Variants in LIN28B observed in about 807,000 individuals in gnomAD.
The protein encoded by LIN28B is lin-28 RNA binding posttranscriptional regulator B.
In LIN28B, 5 loss-of-function variants were observed where a neutral mutation model predicts 21.9. The observed-to-expected ratio is 0.23, with a 90% CI of 0.12 to 0.48. The LOEUF (loss-of-function observed/expected upper bound fraction) is 0.48, where lower values mean the gene tolerates loss of function less well. Ranked by LOEUF, LIN28B falls within the 20% of genes least tolerant of loss-of-function variation. The probability of loss-of-function intolerance (pLI) is 0.98; values close to 1 mark genes in which losing one functional copy is unlikely to be tolerated. For missense variants in LIN28B, 245 were observed against 310.5 expected (o/e 0.79, Z 1.58); for synonymous variants, 109 against 111.3 (o/e 0.98, Z 0.13).
rs1239646776 is a variant in LIN28B at position 105,083,114 on chromosome 6, GAA to G, written c.*4332_*4333del. ...TTTACAAGTGAAAATAAAAACACTTGAACTGTATGTTTTTAAAAGACAAAAAA... is the reference window on the plus strand; with the variant it reads ...TTTACAAGTGAAAATAAAAACACTTGCTGTATGTTTTTAAAAGACAAAAAA... On this transcript the variant is annotated 3_prime_UTR_variant, in exon 4 of 4. Coordinates refer to ENST00000345080, the MANE Select transcript of LIN28B (RefSeq NM_001004317.4). 1 of 148,426 alleles carries G rather than the reference GAA, an allele frequency of 6.7e-6. No individual in the cohort carries two copies. Among genetic ancestry groups the G allele is most frequent in the African/African-American group, 2.4e-5 (1 of 41,320 alleles). 9.2% of individuals were successfully genotyped at this position (148,426 alleles called of 1,614,324 possible).
intron 3 of LIN28B, among the ~76,000 whole-genome samples, chr6:105,046,792 T>G (rs1271765359): frequency 1.3e-5 from 2 of 152,212 alleles, no homozygotes; most frequent in Non-Finnish European, 2.9e-5. Flanking sequence ...TTTTCATGTG[T>G]CTTTTGGCTG....
chr6:105,045,888 G>GCA lies in LIN28B; in HGVS notation c.383+19407_383+19408insAC, dbSNP rs1264176186. Among the ~76,000 whole-genome samples the GCA allele has an allele frequency of 4.4e-3, 673 of 152,182 alleles. 25 individuals carry two copies. The highest frequency in any genetic ancestry group is 0.04 in the Admixed American group (605 of 15,284). On this transcript the variant is annotated intron_variant, in intron 3 of 3. Transcript: ENST00000345080. ...TCTCCAAGTGATCAGTATGTAATGT[G>GCA]CTATCTAATAACACCTTTTTGAAAA...
chr6:105,067,572 C>CT (rs1308539278), intron 3 of LIN28B, among the ~76,000 whole-genome samples: 1 of 151,938 alleles, frequency 6.6e-6, no homozygotes, highest in Non-Finnish European at 1.5e-5. Context: ...CTCTCTCTCT[C>CT]TTTTTTTTAA....
chr6:105,012,346 G>A (rs958778043), intron 2 of LIN28B, among the ~76,000 whole-genome samples: 3 of 151,666 alleles, frequency 2.0e-5, no homozygotes, highest in Non-Finnish European at 4.4e-5. Flanking sequence ...GCGGGTGCCT[G>A]TAATCCCAGC....
chr6:105,060,861 A>T (rs1463553958), intron 3 of LIN28B, among the ~76,000 whole-genome samples: 2 of 152,186 alleles, frequency 1.3e-5, no homozygotes, highest in African/African-American at 4.8e-5. Context: ...GAAAACATAA[A>T]AGTGGGAATA....
chr6:104,995,273 A>G (rs1770575287), intron 2 of LIN28B, among the ~76,000 whole-genome samples: 1 of 152,192 alleles, frequency 6.6e-6, no homozygotes, highest in South Asian at 2.1e-4. Context: ...AGATTTAAGG[A>G]GAGTATACTT....
At chr6:105,012,074 C>T (rs1221519936) in intron 2 of LIN28B, among the ~76,000 whole-genome samples, 3 of 152,108 alleles carry the variant, frequency 2.0e-5, no homozygotes, top group Admixed American at 1.3e-4. Context: ...AGGAGAATTG[C>T]TTCAACCCAG....
upstream of LIN28B, among the ~76,000 whole-genome samples, chr6:104,952,988 A>C (rs1267371426): frequency 6.6e-6 from 1 of 152,196 alleles, no homozygotes; most frequent in Admixed American, 6.5e-5. Flanking sequence ...CTGCTGCAAG[A>C]CCCAAGCACC....
At chr6:104,977,872 A>G (rs1770133957) in intron 2 of LIN28B, among the ~76,000 whole-genome samples, 1 of 152,220 alleles carries the variant, frequency 6.6e-6, no homozygotes, top group South Asian at 2.1e-4. Flanking sequence ...GACCAGGTGT[A>G]TGCCTTTCTT....
rs538914967 is a variant in LIN28B, at chr6:105,026,558, G to A, written c.383+76G>A. The A allele has an allele frequency of 4.9e-5, 46 of 943,296 alleles. 1 individual carries two copies. In the South Asian group the frequency reaches 7.4e-4, roughly 15 times the overall value. 58.4% of individuals were successfully genotyped at this position (943,296 alleles called of 1,614,324 possible). A position where few individuals can be genotyped will look rare whatever the true frequency, so the allele number is the denominator to read the frequency against. ...TTTCTGAAAATGTTTTCATCTTACT[G>A]CATTTCATATTGTCTAGCCAAAGGA... On this transcript the variant is annotated intron_variant, in intron 3 of 3. Coordinates refer to ENST00000345080, the MANE Select transcript of LIN28B (RefSeq NM_001004317.4).
chr6:104,994,329 C>T (rs1010204640), intron 2 of LIN28B, among the ~76,000 whole-genome samples: 14 of 152,154 alleles, frequency 9.2e-5, no homozygotes, highest in African/African-American at 1.9e-4. Context: ...TAACTTTTAA[C>T]GATACTTTTA....
At chr6:104,948,107 T>C (rs1411243629) in intron 2 of LIN28B, among the ~76,000 whole-genome samples, 7 of 152,186 alleles carry the variant, frequency 4.6e-5, no homozygotes, top group African/African-American at 1.7e-4. Flanking sequence ...TGGGATTTCA[T>C]AGGTTTAGGT....
intron 3 of LIN28B, among the ~76,000 whole-genome samples, chr6:105,040,204 T>TA (rs1241683539): frequency 2.0e-5 from 3 of 152,158 alleles, no homozygotes; most frequent in Admixed American, 6.5e-5. Context: ...AAAGCATTCT[T>TA]ACATTCCTGT....
At chr6:105,045,288 T>C (rs1232952168) in intron 3 of LIN28B, among the ~76,000 whole-genome samples, 2 of 146,028 alleles carry the variant, frequency 1.4e-5, no homozygotes, top group Non-Finnish European at 3.0e-5. Context: ...CATTCTGTTT[T>C]TTTTTTTTTT....
At chr6:105,050,935 C>T (rs560568653) in intron 3 of LIN28B, among the ~76,000 whole-genome samples, 1 of 151,308 alleles carries the variant, frequency 6.6e-6, no homozygotes, top group Admixed American at 6.6e-5. Context: ...ATATATAGGG[C>T]TAGGAGTGGT....
chr6:105,036,404 C>T (rs1771522819), intron 3 of LIN28B, among the ~76,000 whole-genome samples: 1 of 152,094 alleles, frequency 6.6e-6, no homozygotes, highest in South Asian at 2.1e-4. Flanking sequence ...TAATTCTATC[C>T]CAAGTTTCTT....
intron 2 of LIN28B, among the ~76,000 whole-genome samples, chr6:104,984,022 T>A (rs552564629): frequency 1.3e-5 from 2 of 152,324 alleles, no homozygotes; most frequent in South Asian, 4.1e-4. Context: ...CATACCACAC[T>A]ACCATTGTAC....
chr6:105,052,213 G>C (rs1771921394), intron 3 of LIN28B, among the ~76,000 whole-genome samples: 1 of 152,182 alleles, frequency 6.6e-6, no homozygotes, highest in Admixed American at 6.5e-5. Flanking sequence ...TCCAAGATTA[G>C]GGCTGAGAAA....
intron 3 of LIN28B, among the ~76,000 whole-genome samples, chr6:105,062,182 G>A (rs903301278): frequency 2.0e-5 from 3 of 151,808 alleles, no homozygotes; most frequent in Non-Finnish European, 4.4e-5. Flanking sequence ...CTGAGGCAGG[G>A]CTCTCAGAGT....
Sources: gnomAD v4.1 joint callset for allele counts (sites outside exome capture counted in the v4.1 genomes callset) on GRCh38, gnomAD v4.1.1 for gene constraint, MANE v1.5 for transcripts, NCBI Gene and HGNC (gene_info 2026-07-23, HGNC 2026-07-21) for gene names.